LTBP1: variants seen among roughly 807,000 people sequenced by gnomAD.
The protein encoded by LTBP1 is latent-transforming growth factor beta-binding protein 1.
In LTBP1, 129 loss-of-function variants were observed where a neutral mutation model predicts 207.6. The observed-to-expected ratio is 0.62, with a 90% confidence interval of 0.54 to 0.72. The LOEUF is 0.72. Among genes scored for constraint, LTBP1 ranks in the 30% least tolerant of loss-of-function variants. LTBP1 has a pLI of 0.00. For missense variants in LTBP1, 2,281 were observed against 2,217.2 expected (o/e 1.03, Z -0.58); for synonymous variants, 963 against 833.7 (o/e 1.16, Z -2.67).
intron 5 of LTBP1, among the ~76,000 whole-genome samples, chr2:33,161,195 T>C (rs1434696414): frequency 1.3e-5 from 2 of 151,466 alleles, no homozygotes; most frequent in African/African-American, 4.8e-5. Flanking sequence ...CCCTGTAAAA[T>C]AGAAATCCAA....
At chr2:33,221,052 A>G (rs1272647023) in intron 8 of LTBP1, among the ~76,000 whole-genome samples, 1 of 152,088 alleles carries the variant, frequency 6.6e-6, no homozygotes, top group Non-Finnish European at 1.5e-5. Context: ...CTCCTCTTTC[A>G]AGTCTTTTTT....
chr2:33,127,890 C>T (rs912451193), intron 4 of LTBP1, among the ~76,000 whole-genome samples: 4 of 152,074 alleles, frequency 2.6e-5, no homozygotes, highest in South Asian at 2.1e-4. Flanking sequence ...CTGTGGACAG[C>T]GTGGCTTGGC....
At chr2:33,249,101 G>A (rs1193904188) in intron 10 of LTBP1, among the ~76,000 whole-genome samples, 1 of 152,196 alleles carries the variant, frequency 6.6e-6, no homozygotes, top group Non-Finnish European at 1.5e-5. Context: ...GTGGGTGGGA[G>A]TGATTGCAGA....
Position 33,010,883 on chromosome 2 carries a change from C to T in LTBP1, c.566-10026C>T, listed in dbSNP as rs560941336. ...TACAAGTGCGTGCCACCACACCCAG[C>T]TAATTTTTGTATTTTTAGTAGAGAC... is the stretch of plus-strand genomic sequence containing the variant. On this transcript the variant is annotated intron_variant, in intron 2 of 33. Transcript: ENST00000404816. 2.8e-4 allele frequency among the ~76,000 whole-genome samples: 42 copies of T among 152,044 alleles called. No homozygotes were observed. The Middle Eastern group carries it at 0.014, about 49-fold the overall frequency.
intron 3 of LTBP1, among the ~76,000 whole-genome samples, chr2:33,033,216 TG>T (rs2149335572): frequency 6.7e-6 from 1 of 149,420 alleles, no homozygotes; most frequent in East Asian, 2.1e-4. Flanking sequence ...CTAGTGTAAG[TG>T]GTTTTTTTTT....
chr2:33,317,090 T>C (rs1477611507), intron 24 of LTBP1, among the ~76,000 whole-genome samples: 3 of 152,244 alleles, frequency 2.0e-5, no homozygotes, highest in Non-Finnish European at 2.9e-5. Context: ...ATGATTTAAT[T>C]CTGTACTTTT....
intron 2 of LTBP1, among the ~76,000 whole-genome samples, chr2:32,981,298 T>C (rs10171566): frequency 0.033 from 4,982 of 152,276 alleles, 266 homozygotes; most frequent in African/African-American, 0.11. Context: ...GTATAACTTA[T>C]AATTTTTCTT....
chr2:33,132,518 G>T (rs1044611107), intron 4 of LTBP1, among the ~76,000 whole-genome samples: 1 of 152,120 alleles, frequency 6.6e-6, no homozygotes, highest in Non-Finnish European at 1.5e-5. Context: ...AGTCCTTTTC[G>T]CCTACAATCC....
chr2:32,955,713 G>A (rs766305377), intron 2 of LTBP1, among the ~76,000 whole-genome samples: 1 of 152,144 alleles, frequency 6.6e-6, no homozygotes, highest in Non-Finnish European at 1.5e-5. Context: ...GCTCCCTGAT[G>A]TGGTAGTTAA....
chr2:33,264,257 A>G (rs1038451591), intron 15 of LTBP1, among the ~76,000 whole-genome samples: 2 of 81,528 alleles, frequency 2.5e-5, no homozygotes, highest in African/African-American at 1.4e-4. Flanking sequence ...CTCTGTCTCA[A>G]AAAAAAAAAA....
At chr2:33,050,737 C>CTTT (rs566264169) in intron 3 of LTBP1, among the ~76,000 whole-genome samples, 3 of 143,390 alleles carry the variant, frequency 2.1e-5, no homozygotes, top group East Asian at 2.0e-4. Context: ...TTGAAACTCT[C>CTTT]TTTTTTTTTT....
In LTBP1 at chr2:33,046,432, G is replaced by A. The variant is rs191896374; in HGVS notation, c.863+25226G>A. 2.6e-4 allele frequency among the ~76,000 whole-genome samples: 40 copies of A among 152,296 alleles called. No homozygotes were observed. In the South Asian group the frequency reaches 2.7e-3, roughly 10 times the overall value. On this transcript the variant is annotated intron_variant, in intron 3 of 33. Transcript: ENST00000404816. ...GGATTACGTTTATTGATTTGCATATGTTGAACCAGCCTTGCCTCCCGGGGA... is the reference window on the plus strand; with the variant it reads ...GGATTACGTTTATTGATTTGCATATATTGAACCAGCCTTGCCTCCCGGGGA...
chr2:32,968,231 G>T (rs113063995), intron 2 of LTBP1, among the ~76,000 whole-genome samples: 6,751 of 152,292 alleles, frequency 0.044, 224 homozygotes, highest in Non-Finnish European at 0.072. Flanking sequence ...CTCCCAAAGT[G>T]TAAGGATTAC....
intron 2 of LTBP1, among the ~76,000 whole-genome samples, chr2:33,016,599 CG>C (rs774482391): frequency 2.6e-5 from 4 of 152,132 alleles, no homozygotes; most frequent in East Asian, 1.9e-4. Context: ...TGAGAACCAC[CG>C]CCCAATCCAC....
chr2:33,142,628 T>C (rs765000182), intron 5 of LTBP1, among the ~76,000 whole-genome samples: 9 of 151,730 alleles, frequency 5.9e-5, no homozygotes, highest in Non-Finnish European at 8.8e-5. Flanking sequence ...GGAAGACAAC[T>C]GAGGCAGAGA....
At chr2:33,105,441 CTT>C (rs199792865) in intron 3 of LTBP1, among the ~76,000 whole-genome samples, 6 of 144,674 alleles carry the variant, frequency 4.1e-5, no homozygotes, top group Admixed American at 6.9e-5. Context: ...TGATCTTCTG[CTT>C]TTTTTTTTTT....
At chr2:33,340,336 G>A (rs987749528) in intron 24 of LTBP1, among the ~76,000 whole-genome samples, 12 of 151,982 alleles carry the variant, frequency 7.9e-5, no homozygotes, top group Admixed American at 1.3e-4. Flanking sequence ...ATCCCAAGGA[G>A]CATGGTCACT....
At chr2:33,106,278 C>G (rs150308482) in intron 3 of LTBP1, among the ~76,000 whole-genome samples, 19 of 152,324 alleles carry the variant, frequency 1.2e-4, no homozygotes, top group Admixed American at 3.3e-4. Context: ...CATCTTCTTA[C>G]AAATTCTTAT....
chr2:33,110,336 T>C (rs1296454145), intron 3 of LTBP1, among the ~76,000 whole-genome samples: 1 of 152,216 alleles, frequency 6.6e-6, no homozygotes, highest in African/African-American at 2.4e-5. Context: ...TGATGACCTA[T>C]TTATCATCAC....
Sources: allele counts gnomAD v4.1 joint callset (sites outside exome capture counted in the v4.1 genomes callset), GRCh38; gene constraint gnomAD v4.1.1; transcripts MANE v1.5; gene names NCBI Gene and HGNC (gene_info 2026-07-23, HGNC 2026-07-21).